Variants in S100Z observed in about 807,000 individuals in gnomAD.
S100Z encodes protein S100-Z.
In S100Z, 11 loss-of-function variants were observed where a neutral mutation model predicts 8.5. That is an observed-to-expected ratio of 1.30 (90% CI 0.82 to 2.15). S100Z has a LOEUF of 2.15. S100Z is among the 30% of genes most tolerant of loss of function. The probability of loss-of-function intolerance (pLI) is 0.00; values close to 1 mark genes in which losing one functional copy is unlikely to be tolerated. For missense variants in S100Z, 126 were observed against 117.9 expected (o/e 1.07, Z -0.32); for synonymous variants, 34 against 43.8 (o/e 0.78, Z 0.89).
chr5:76,880,801 T>C (rs1021170336), intron 4 of S100Z, among the ~76,000 whole-genome samples: 3 of 152,182 alleles, frequency 2.0e-5, no homozygotes, highest in East Asian at 3.8e-4. Flanking sequence ...GCCAGATTGA[T>C]TTAGGTAAAA....
chr5:76,864,309 A>C (rs1356381863), intron 1 of S100Z, among the ~76,000 whole-genome samples: 1 of 151,000 alleles, frequency 6.6e-6, no homozygotes, highest in Non-Finnish European at 1.5e-5. Context: ...TTCCAGTTGT[A>C]TAAAAGTATA....
At chr5:76,948,325 C>CTAAATAAATAAATAAATAAA in the S100Z span, among the ~76,000 whole-genome samples, 694 of 147,862 alleles carry the variant, frequency 4.7e-3, 5 homozygotes, top group Admixed American at 7.7e-3. Flanking sequence ...GACTCTGTCT[C>CTAAATAAATAAATAAATAAA]TAAATAAATA....
At chr5:76,944,978 G>A in the S100Z span, among the ~76,000 whole-genome samples, 1 of 152,166 alleles carries the variant, frequency 6.6e-6, no homozygotes, top group Non-Finnish European at 1.5e-5. Context: ...AAGAAAGAGA[G>A]ATCAGACAGT....
chr5:76,914,474 G>A (rs1002267427), intron 4 of S100Z, among the ~76,000 whole-genome samples: 48 of 151,858 alleles, frequency 3.2e-4, no homozygotes, highest in African/African-American at 1.2e-3. Context: ...AATAAAAGCT[G>A]GCCACCCAAG....
At chr5:76,952,873 T>A in the S100Z span, 1 of 498,080 alleles carries the variant, frequency 2.0e-6, no homozygotes, top group Non-Finnish European at 3.6e-6. Context: ...TCTTGGTGAA[T>A]AATGCTGGGC....
At chr5:76,865,239 TC>T (rs1231668933) in intron 1 of S100Z, among the ~76,000 whole-genome samples, 24,884 of 123,234 alleles carry the variant, frequency 0.2, 2,282 homozygotes, top group African/African-American at 0.25. Context: ...GTGTCCTAGC[TC>T]TTTTTTTTTT....
the S100Z span, among the ~76,000 whole-genome samples, chr5:76,944,238 G>C: frequency 6.6e-6 from 1 of 152,136 alleles, no homozygotes; most frequent in African/African-American, 2.4e-5. Context: ...TTCGGATGCT[G>C]TCAGCAGCAT....
intron 1 of S100Z, among the ~76,000 whole-genome samples, chr5:76,857,216 T>G (rs568812204): frequency 6.6e-6 from 1 of 151,994 alleles, no homozygotes; most frequent in East Asian, 1.9e-4. Context: ...CGCTTGACCC[T>G]GGGAGGTGGA....
At chr5:76,933,844 C>A in the S100Z span, among the ~76,000 whole-genome samples, 1 of 151,564 alleles carries the variant, frequency 6.6e-6, no homozygotes, top group South Asian at 2.1e-4. Context: ...AACTTTTTCA[C>A]CATCCCAAAC....
At chr5:76,892,052 A>C (rs1452722132) in intron 4 of S100Z, among the ~76,000 whole-genome samples, 2 of 152,206 alleles carry the variant, frequency 1.3e-5, no homozygotes, top group Admixed American at 1.3e-4. Flanking sequence ...ACCTGCACTT[A>C]CAGCAAGCAC....
At position 76,911,231 on chromosome 5, in the gene S100Z, G is replaced by A. The variant is rs369302897; in HGVS notation, c.*3-9486G>A. On this transcript the variant is annotated intron_variant, in intron 4 of 4. Transcript: ENST00000317593. ...TATTGTTAAACATTTAAAAGCTCAA[G>A]GCTTAGTAAGGAAATGCAACAGTCC... Among the ~76,000 whole-genome samples, 24 of 152,282 alleles carry A rather than the reference G, an allele frequency of 1.6e-4. No homozygotes were observed. The East Asian group carries it at 4.0e-3, about 26-fold the overall frequency.
chr5:76,872,239 C>T (rs1743037331), intron 2 of S100Z, among the ~76,000 whole-genome samples: 2 of 151,630 alleles, frequency 1.3e-5, no homozygotes, highest in Admixed American at 1.3e-4. Flanking sequence ...AGCGGGAGAC[C>T]CTATCTCAAA....
chr5:76,917,517 G>T (rs907186035), intron 4 of S100Z, among the ~76,000 whole-genome samples: 1 of 152,192 alleles, frequency 6.6e-6, no homozygotes, highest in African/African-American at 2.4e-5. Context: ...GTTTTCCAGA[G>T]GGAAAGCTTG....
chr5:76,890,110 G>A (rs928540963), intron 4 of S100Z, among the ~76,000 whole-genome samples: 1 of 152,190 alleles, frequency 6.6e-6, no homozygotes, highest in African/African-American at 2.4e-5. Context: ...TGCAACCTCT[G>A]CCTCCCAGGT....
intron 4 of S100Z, among the ~76,000 whole-genome samples, chr5:76,897,733 T>C (rs911581429): frequency 6.6e-6 from 1 of 152,200 alleles, no homozygotes; most frequent in Admixed American, 6.5e-5. Context: ...TTTAATTTTA[T>C]GTGTAGCTAT....
At chr5:76,860,916 C>T (rs961842876) in intron 1 of S100Z, among the ~76,000 whole-genome samples, 6 of 152,022 alleles carry the variant, frequency 3.9e-5, no homozygotes, top group African/African-American at 1.4e-4. Context: ...ATAGAAGAAA[C>T]GTATCTATTT....
At chr5:76,909,738 T>A (rs145896915) in intron 4 of S100Z, among the ~76,000 whole-genome samples, 2,081 of 152,308 alleles carry the variant, frequency 0.014, 58 homozygotes, top group East Asian at 0.11. Context: ...ACATGTCCCC[T>A]TCTCCCTCTC....
At chr5:76,940,215 A>AT in the S100Z span, among the ~76,000 whole-genome samples, 7 of 151,980 alleles carry the variant, frequency 4.6e-5, no homozygotes, top group African/African-American at 1.7e-4. Flanking sequence ...CCAAAAAGAG[A>AT]AAAAAAGCAA....
chr5:76,930,228 TAGAC>T, the S100Z span, among the ~76,000 whole-genome samples: 2 of 152,232 alleles, frequency 1.3e-5, no homozygotes, highest in Non-Finnish European at 2.9e-5. Context: ...TGATGCGTGT[TAGAC>T]AGAGATTCTC....
Sources: gnomAD v4.1 joint callset for allele counts (sites outside exome capture counted in the v4.1 genomes callset) on GRCh38, gnomAD v4.1.1 for gene constraint, MANE v1.5 for transcripts, NCBI Gene and HGNC (gene_info 2026-07-23, HGNC 2026-07-21) for gene names.